Variants in DMTF1 observed in about 807,000 individuals in gnomAD.
DMTF1 encodes cyclin D binding myb like transcription factor 1.
DMTF1 carries 39 observed loss-of-function variants against 91.1 expected under a neutral mutation model. That is an observed-to-expected ratio of 0.43 (90% CI 0.33 to 0.56). DMTF1 has a LOEUF of 0.56. Ranked by LOEUF, DMTF1 falls within the 20% of genes least tolerant of loss-of-function variation. The pLI, the probability that DMTF1 is intolerant of heterozygous loss-of-function variation, is 0.05. For missense variants in DMTF1, 750 were observed against 914.5 expected (o/e 0.82, Z 2.32); for synonymous variants, 338 against 309.5 (o/e 1.09, Z -0.97).
intron 6 of DMTF1, 103 bp from the exon 7 acceptor site, chr7:87,174,490 A>G: frequency 1.3e-6 from 1 of 766,756 alleles, no homozygotes; most frequent in East Asian, 2.9e-5. Context: ...GAAATTAGCT[A>G]AATTTTATCC....
chr7:87,194,734 T>G lies in DMTF1; in HGVS notation c.2079T>G (p.Asp693Glu), dbSNP rs1341586927. ...IEEQVDQTIDDETILIVPSPH... is the reference protein window; with the variant it reads ...IEEQVDQTIDEETILIVPSPH... The stretch of plus-strand genomic sequence containing the variant: ...AACAAGTTGATCAAACAATTGATGA[T>G]GAAACAATACTTATCGTTCCTTCAC... The change falls in exon 17 of 18, where the codon GAT (aspartate) becomes GAG (glutamate). Residue 693 changes from aspartate (D) to glutamate (E), a missense_variant. Around this residue, in one of 3 missense-constraint regions of DMTF1, gnomAD observed 410 missense variants for 420.2 expected, o/e 0.98. Transcript: ENST00000331242. 6.2e-7 allele frequency: 1 copy of G among 1,610,976 alleles called. No individual in the cohort carries two copies. Among genetic ancestry groups the G allele is most frequent in the Non-Finnish European group, 8.5e-7 (1 of 1,177,692 alleles).
At chr7:87,161,980 A>G (rs1413882692) in intron 1 of DMTF1, among the ~76,000 whole-genome samples, 1 of 152,254 alleles carries the variant, frequency 6.6e-6, no homozygotes, top group African/African-American at 2.4e-5. Flanking sequence ...TATTCAAGGA[A>G]ATAGTGTAAA....
At chr7:87,156,281 A>G (rs1790695623) in intron 1 of DMTF1, among the ~76,000 whole-genome samples, 2 of 152,214 alleles carry the variant, frequency 1.3e-5, no homozygotes, top group Admixed American at 1.3e-4. Context: ...AATCCTTGCT[A>G]TTAAGTAATC....
At chr7:87,160,836 A>G (rs1792143480) in intron 1 of DMTF1, among the ~76,000 whole-genome samples, 1 of 152,076 alleles carries the variant, frequency 6.6e-6, no homozygotes, top group Non-Finnish European at 1.5e-5. Flanking sequence ...GGTCCTTCTC[A>G]TTCTCCTTTG....
intron 13 of DMTF1, 122 bp downstream of exon 13, chr7:87,188,423 C>A: frequency 1.0e-6 from 1 of 967,790 alleles, no homozygotes; most frequent in Non-Finnish European, 1.6e-6. Context: ...AACTGAAGGA[C>A]ATCTAAGATA....
chr7:87,191,116 TA>T, intron 14 of DMTF1, 89 bp downstream of exon 14: 1 of 862,128 alleles, frequency 1.2e-6, no homozygotes, highest in Non-Finnish European at 1.8e-6. Flanking sequence ...TTATGATTCA[TA>T]AAAGTCTGAG....
At chr7:87,187,844 T>C (rs947506022) in intron 12 of DMTF1, 38 of 486,330 alleles carry the variant, frequency 7.8e-5, no homozygotes, top group Non-Finnish European at 1.1e-4. Flanking sequence ...AATGTCTACC[T>C]TTTTTTAACA....
In DMTF1 at chr7:87,174,630, A is replaced by C; in HGVS notation, c.480A>C (p.Glu160Asp). The C allele has an allele frequency of 6.2e-7, 1 of 1,610,848 alleles. No individual in the cohort carries two copies. The highest frequency in any genetic ancestry group is 8.5e-7 in the Non-Finnish European group (1 of 1,177,892). ...AGCAGGGGATGTGGTCCAAGGAAGA[A>C]ATTGATATTTTGATGAACAATATTG... ...KWKQGMWSKE[E>D]IDILMNNIER... Residue 160 changes from glutamate to aspartate, a missense_variant, in exon 7 of 18, where the codon GAA becomes GAC. By Grantham distance (45) the Glu-to-Asp change is conservative. Coordinates refer to ENST00000331242, the MANE Select transcript of DMTF1 (RefSeq NM_001142327.2).
In DMTF1 at chr7:87,193,361, AC is replaced by A. The variant is rs750876783; in HGVS notation, c.1650+9del. 2.5e-6 allele frequency: 4 copies of A among 1,612,802 alleles called. No individual in the cohort carries two copies. In the Admixed American group the frequency reaches 6.7e-5, roughly 27 times the overall value. On this transcript the variant is annotated intron_variant, in intron 15 of 17. Coordinates refer to ENST00000331242, the MANE Select transcript of DMTF1 (RefSeq NM_001142327.2). Reference sequence around the variant, plus strand: ...ATTGTTCATGCTTTATCCGTATGTTACATAAATTACTTGATTTTTGAGTACC... The same window carrying A: ...ATTGTTCATGCTTTATCCGTATGTTAATAAATTACTTGATTTTTGAGTACC...
At chr7:87,182,401 C>T in intron 10 of DMTF1, 64 bp downstream of exon 10, 1 of 1,515,624 alleles carries the variant, frequency 6.6e-7, no homozygotes, top group Non-Finnish European at 9.1e-7. Flanking sequence ...CCTTAGGATA[C>T]TGCCTTTTCT....
intron 4 of DMTF1, among the ~76,000 whole-genome samples, chr7:87,170,011 A>G (rs1188509844): frequency 6.6e-6 from 1 of 152,210 alleles, no homozygotes; most frequent in Non-Finnish European, 1.5e-5. Flanking sequence ...GTCTCAAACT[A>G]ATGTATTTAA....
chr7:87,156,828 G>A (rs192333450), intron 1 of DMTF1, among the ~76,000 whole-genome samples: 69 of 152,192 alleles, frequency 4.5e-4, no homozygotes, highest in African/African-American at 7.2e-4. Context: ...AGTTTTTAAA[G>A]CATTAGTTAT....
In DMTF1 at chr7:87,196,074, C is replaced by G. The variant is rs1801160766; in HGVS notation, c.*934C>G. 1 of 152,482 alleles carries G rather than the reference C, an allele frequency of 6.6e-6. No homozygotes were observed. The highest frequency in any genetic ancestry group is 2.4e-5 in the African/African-American group (1 of 41,450). The allele number at this position is 152,482 out of a possible 1,614,324, so 9.4% of individuals were successfully genotyped here. ...AAGGAAACAAATCTAAGAATCATTC[C>G]TGTACTACAGAAGGGTTAAGGCAAA... On this transcript the variant is annotated 3_prime_UTR_variant, in exon 18 of 18. Transcript: ENST00000331242.
chr7:87,161,510 C>CAAAAA (rs112129497), intron 1 of DMTF1, among the ~76,000 whole-genome samples: 1 of 152,176 alleles, frequency 6.6e-6, no homozygotes, highest in East Asian at 1.9e-4. Flanking sequence ...TCAAAAACCA[C>CAAAAA]AAAAGATGAC....
intron 14 of DMTF1, among the ~76,000 whole-genome samples, chr7:87,191,370 C>G (rs1584464588): frequency 1.3e-5 from 2 of 152,110 alleles, no homozygotes; most frequent in Admixed American, 6.6e-5. Flanking sequence ...AAACACTGTA[C>G]TAGCCACTGG....
chr7:87,180,454 C>A (rs536634887), intron 8 of DMTF1, among the ~76,000 whole-genome samples: 344 of 152,252 alleles, frequency 2.3e-3, no homozygotes, highest in African/African-American at 7.3e-3. Flanking sequence ...AAGTGAGCAG[C>A]GTTTCATAAT....
intron 13 of DMTF1, among the ~76,000 whole-genome samples, chr7:87,190,303 G>A (rs1343508910): frequency 1.3e-5 from 2 of 150,688 alleles, no homozygotes; most frequent in African/African-American, 4.9e-5. Context: ...GGCAGGACAG[G>A]TAAAAAAAAA....
intron 10 of DMTF1, among the ~76,000 whole-genome samples, chr7:87,182,726 T>C (rs1562832076): frequency 6.6e-6 from 1 of 152,230 alleles, no homozygotes; most frequent in Non-Finnish European, 1.5e-5. Flanking sequence ...TGAGTGTTTA[T>C]GAAAAACTTT....
In DMTF1 at chr7:87,185,988, A is replaced by G. The variant is rs199630355; in HGVS notation, c.1201+8A>G. ...AGGATGTTTCGTTCCCTGGTAATGT[A>G]TTACTTACTTTTTAAGCTCCTCCCC... On this transcript the variant is annotated splice_region_variant and intron_variant, in intron 12 of 17. Coordinates refer to ENST00000331242, the MANE Select transcript of DMTF1 (RefSeq NM_001142327.2). 1 of 1,613,516 alleles carries G rather than the reference A, an allele frequency of 6.2e-7. No homozygotes were observed. Among genetic ancestry groups the G allele is most frequent in the Non-Finnish European group, 8.5e-7 (1 of 1,179,636 alleles).
Sources: allele counts gnomAD v4.1 joint callset (sites outside exome capture counted in the v4.1 genomes callset), GRCh38; gene constraint gnomAD v4.1.1; regional missense constraint gnomAD v4.1.1; transcripts MANE v1.5; gene names NCBI Gene and HGNC (gene_info 2026-07-23, HGNC 2026-07-21).